The following KYAT3 variants were observed in gnomAD, a reference collection of about 807,000 sequenced individuals.
KYAT3 encodes the protein kynurenine aminotransferase 3, also known as kynurenine--oxoglutarate transaminase 3.
KYAT3 carries 50 observed loss-of-function variants against 59.0 expected under a neutral mutation model. The observed-to-expected ratio is 0.85, with a 90% CI of 0.68 to 1.07. The LOEUF is 1.07. Among genes scored for constraint, KYAT3 ranks in the 50% least tolerant of loss-of-function variants. The pLI is 0.00. For synonymous variants in KYAT3, 148 were observed against 177.0 expected (o/e 0.84, Z 1.30); for missense variants, 497 against 533.3 (o/e 0.93, Z 0.67).
At chr1:88,987,908 G>T (rs561758421) in intron 2 of KYAT3, among the ~76,000 whole-genome samples, 1 of 152,290 alleles carries the variant, frequency 6.6e-6, no homozygotes, top group South Asian at 2.1e-4. Flanking sequence ...TGTATTTGGT[G>T]GTTATGGGTT....
chr1:88,992,388 CT>C (rs747399256), intron 1 of KYAT3, among the ~76,000 whole-genome samples, 196 bp downstream of exon 1: 3 of 152,260 alleles, frequency 2.0e-5, no homozygotes, highest in Non-Finnish European at 4.4e-5. Flanking sequence ...GGATTCCCCC[CT>C]GGAGGCCAGT....
At chr1:88,950,967 C>G (rs1421613504) in intron 10 of KYAT3, among the ~76,000 whole-genome samples, 1 of 152,206 alleles carries the variant, frequency 6.6e-6, no homozygotes, top group Non-Finnish European at 1.5e-5. Flanking sequence ...ATTCCAGTCT[C>G]TGTGCTGTTC....
At chr1:88,975,656 A>G (rs191891182) in intron 2 of KYAT3, among the ~76,000 whole-genome samples, 1 of 152,384 alleles carries the variant, frequency 6.6e-6, no homozygotes, top group Admixed American at 6.5e-5. Context: ...GAAGCTTTAC[A>G]TTATATATAC....
At chr1:88,946,003 A>G (rs1014659022) in intron 11 of KYAT3, among the ~76,000 whole-genome samples, 7 of 152,198 alleles carry the variant, frequency 4.6e-5, no homozygotes, top group Admixed American at 3.9e-4. Flanking sequence ...TTAGTATTGC[A>G]TATAGAATGG....
intron 2 of KYAT3, among the ~76,000 whole-genome samples, chr1:88,978,457 T>A (rs1243984882): frequency 6.6e-6 from 1 of 151,990 alleles, no homozygotes; most frequent in East Asian, 1.9e-4. Flanking sequence ...CACCTCAGCC[T>A]CCCAAGTAGC....
intron 9 of KYAT3, among the ~76,000 whole-genome samples, chr1:88,953,902 C>CTTTTT (rs199642260): frequency 1.6e-5 from 2 of 127,208 alleles, no homozygotes; most frequent in African/African-American, 5.5e-5. Flanking sequence ...TCTTCTTCTT[C>CTTTTT]TTCTTTTTTT....
intron 13 of KYAT3, among the ~76,000 whole-genome samples, 153 bp from the exon 14 acceptor site, chr1:88,936,398 A>C (rs1675039663): frequency 6.6e-6 from 1 of 152,234 alleles, no homozygotes; most frequent in Non-Finnish European, 1.5e-5. Context: ...AGCAGAACCC[A>C]AAACAGGAAA....
At chr1:88,941,749 TC>T (rs1190645325) in intron 13 of KYAT3, among the ~76,000 whole-genome samples, 4 of 152,144 alleles carry the variant, frequency 2.6e-5, no homozygotes, top group Non-Finnish European at 2.9e-5. Flanking sequence ...TCACTATGTT[TC>T]CCAGGCTGGT....
At chr1:88,952,282 C>T (rs1230803204) in intron 10 of KYAT3, among the ~76,000 whole-genome samples, 1 of 152,114 alleles carries the variant, frequency 6.6e-6, no homozygotes, top group African/African-American at 2.4e-5. Flanking sequence ...CAATGAATAG[C>T]CAGGTAAGTA....
intron 13 of KYAT3, among the ~76,000 whole-genome samples, chr1:88,942,310 C>T (rs1010882765): frequency 2.1e-4 from 32 of 151,268 alleles, no homozygotes; most frequent in Admixed American, 6.6e-5. Context: ...TTATTATTAC[C>T]ACGTTTTCAT....
At chr1:88,926,768 C>T in the KYAT3 span, among the ~76,000 whole-genome samples, 1 of 152,192 alleles carries the variant, frequency 6.6e-6, no homozygotes, top group Non-Finnish European at 1.5e-5. Flanking sequence ...TTAGCCGAGC[C>T]TTAAAGTACT....
chr1:88,957,337 A>G (rs1174481252), intron 8 of KYAT3, among the ~76,000 whole-genome samples: 1 of 152,204 alleles, frequency 6.6e-6, no homozygotes, highest in Non-Finnish European at 1.5e-5. Flanking sequence ...AAAGAACACT[A>G]TGACACATGC....
At chr1:88,940,324 G>A (rs1295363448) in intron 13 of KYAT3, among the ~76,000 whole-genome samples, 9 of 152,092 alleles carry the variant, frequency 5.9e-5, no homozygotes, top group Non-Finnish European at 8.8e-5. Context: ...CTCCTGCCTC[G>A]GCCTCCCAAA....
intron 8 of KYAT3, among the ~76,000 whole-genome samples, chr1:88,956,999 A>C (rs1675949008): frequency 6.6e-6 from 1 of 152,192 alleles, no homozygotes; most frequent in Non-Finnish European, 1.5e-5. Flanking sequence ...ATAAATGCTC[A>C]TCTCTGGGAA....
intron 5 of KYAT3, among the ~76,000 whole-genome samples, chr1:88,963,441 G>T (rs1427627280): frequency 6.6e-6 from 1 of 152,162 alleles, no homozygotes; most frequent in Non-Finnish European, 1.5e-5. Flanking sequence ...AGTTGTAAAA[G>T]AATAACATAA....
intron 2 of KYAT3, among the ~76,000 whole-genome samples, chr1:88,977,565 C>T (rs1005080524): frequency 1.3e-5 from 2 of 152,206 alleles, no homozygotes; most frequent in Non-Finnish European, 2.9e-5. Flanking sequence ...TTTTGAACTC[C>T]TGACCTCAGG....
rs778740018 is a variant in KYAT3, at chr1:88,983,527, TG to T, written c.99+4724del. The T allele has an allele frequency of 3.1e-6, 5 of 1,614,200 alleles. No homozygotes were observed. In the South Asian group the frequency reaches 5.5e-5, roughly 18 times the overall value. On this transcript the variant is annotated intron_variant, in intron 2 of 13. Coordinates refer to ENST00000260508, the MANE Select transcript of KYAT3 (RefSeq NM_001008661.3). ...AACCTCTTGGAGGACCTCTACTTCT[TG>T]GAGGTGGGGGCGGTCCATGTCTACC... is the stretch of plus-strand genomic sequence containing the variant.
chr1:88,946,369 C>T (rs1675443237), intron 11 of KYAT3, among the ~76,000 whole-genome samples: 1 of 151,826 alleles, frequency 6.6e-6, no homozygotes, highest in Non-Finnish European at 1.5e-5. Context: ...CACTATGTTG[C>T]CCAGGCTGGT....
chr1:88,979,742 T>A (rs1307989956), intron 2 of KYAT3: 3 of 152,220 alleles, frequency 2.0e-5, no homozygotes, highest in Non-Finnish European at 2.9e-5. Flanking sequence ...TATAGCCCCT[T>A]TGGAAAACAA....
Sources: gnomAD v4.1 joint callset for allele counts (sites outside exome capture counted in the v4.1 genomes callset) on GRCh38, gnomAD v4.1.1 for gene constraint, MANE v1.5 for transcripts, NCBI Gene and HGNC (gene_info 2026-07-23, HGNC 2026-07-21) for gene names.